The following LPP variants were observed in gnomAD, a reference collection of about 807,000 sequenced individuals.
LPP encodes the protein lipoma-preferred partner.
A neutral mutation model predicts 60.4 loss-of-function variants in LPP; 38 were observed. The ratio of observed to expected loss-of-function variants is 0.63; its 90% confidence interval spans 0.49 to 0.83. The LOEUF is 0.83. LPP is among the 40% of genes least tolerant of loss of function. The pLI, the probability that LPP is intolerant of heterozygous loss-of-function variation, is 0.00. For synonymous variants in LPP, 328 were observed against 290.8 expected, an observed-to-expected ratio of 1.13 and a Z score of -1.30; for missense variants, 902 against 783.6, an observed-to-expected ratio of 1.15 and a Z score of -1.80.
intron 2 of LPP, among the ~76,000 whole-genome samples, chr3:188,244,945 G>A (rs1394928953): frequency 6.6e-6 from 1 of 152,082 alleles, no homozygotes; most frequent in Non-Finnish European, 1.5e-5. Context: ...CTCCTTACTA[G>A]GCATATGTTC....
At chr3:188,866,558 T>G (rs1766659873) in intron 10 of LPP, among the ~76,000 whole-genome samples, 180 bp downstream of exon 10, 1 of 152,184 alleles carries the variant, frequency 6.6e-6, no homozygotes, top group Non-Finnish European at 1.5e-5. Context: ...AGACAATCCA[T>G]GCAGTCATCC....
chr3:188,625,927 T>A (rs908567045), intron 7 of LPP, among the ~76,000 whole-genome samples: 1 of 152,156 alleles, frequency 6.6e-6, no homozygotes, highest in Non-Finnish European at 1.5e-5. Context: ...TTTGTAAAAA[T>A]GTATGTGCAA....
chr3:188,165,273 T>A (rs2148739000), intron 1 of LPP, among the ~76,000 whole-genome samples: 1 of 151,342 alleles, frequency 6.6e-6, no homozygotes, highest in East Asian at 2.0e-4. Flanking sequence ...AGACTCTGTC[T>A]GTCAGGAAAA....
intron 9 of LPP, among the ~76,000 whole-genome samples, chr3:188,778,479 A>G (rs1738534759): frequency 1.3e-5 from 2 of 152,180 alleles, no homozygotes; most frequent in Non-Finnish European, 2.9e-5. Context: ...TAACCATTAC[A>G]TTCTGGAGGT....
rs1242593405 is a variant in LPP, at chr3:188,607,165, A to ACACACT, written c.430-1995_430-1994insACACTC. On this transcript the variant is annotated intron_variant, in intron 6 of 11. Coordinates refer to ENST00000617246, the MANE Select transcript of LPP (RefSeq NM_001375462.1). The stretch of plus-strand genomic sequence containing the variant: ...CACACACACACACACACACACACAC[A>ACACACT]CTATTTAAACATCCTGAAGTCTTTG... Among the ~76,000 whole-genome samples, 395 of 125,458 alleles carry ACACACT rather than the reference A, an allele frequency of 3.1e-3. 8 individuals carry two copies. Among genetic ancestry groups the ACACACT allele is most frequent in the African/African-American group, 0.011 (377 of 33,836 alleles). The allele number at this position is 125,458 out of a possible 152,430, so 82.3% of individuals were successfully genotyped here. A position where few individuals can be genotyped will look rare whatever the true frequency, so the allele number is the denominator to read the frequency against.
intron 10 of LPP, among the ~76,000 whole-genome samples, chr3:188,868,595 A>G (rs1166538693): frequency 1.3e-5 from 2 of 152,224 alleles, no homozygotes; most frequent in African/African-American, 4.8e-5. Context: ...CTAAAGGAAA[A>G]TAAGAAACTG....
chr3:188,561,211 G>A (rs745904626), intron 6 of LPP, among the ~76,000 whole-genome samples: 33 of 151,964 alleles, frequency 2.2e-4, no homozygotes, highest in Admixed American at 7.2e-4. Flanking sequence ...TATTAAGCCC[G>A]AAGGATATTT....
chr3:188,823,048 C>T (rs1754435045), intron 9 of LPP, among the ~76,000 whole-genome samples: 1 of 152,100 alleles, frequency 6.6e-6, no homozygotes, highest in Non-Finnish European at 1.5e-5. Flanking sequence ...AATTCAATTA[C>T]TTCCTTCCAA....
chr3:188,313,194 A>G (rs752500918), intron 2 of LPP, among the ~76,000 whole-genome samples: 13 of 152,066 alleles, frequency 8.5e-5, no homozygotes, highest in Non-Finnish European at 1.6e-4. Flanking sequence ...TTCATCTGTC[A>G]CTTCATGTGT....
intron 2 of LPP, among the ~76,000 whole-genome samples, chr3:188,273,417 A>G (rs6762523): frequency 0.69 from 105,308 of 151,904 alleles, 37,257 homozygotes; most frequent in African/African-American, 0.82. Context: ...TTTGTAGTAG[A>G]TGCTGACCTG....
intron 2 of LPP, among the ~76,000 whole-genome samples, chr3:188,257,465 C>G (rs1732040567): frequency 6.6e-6 from 1 of 152,134 alleles, no homozygotes. Flanking sequence ...AAAGTCCAAG[C>G]CAGTTTGTAT....
chr3:188,716,921 G>C (rs188175589), intron 8 of LPP, among the ~76,000 whole-genome samples: 1 of 152,194 alleles, frequency 6.6e-6, no homozygotes, highest in South Asian at 2.1e-4. Flanking sequence ...TCTACCCCTA[G>C]ATTATCATTA....
At position 188,783,181 on chromosome 3, in the gene LPP, A is replaced by G. The variant is rs151038218; in HGVS notation, c.1410+22899A>G. On this transcript the variant is annotated intron_variant, in intron 9 of 11. Transcript: ENST00000617246. ...CCAGCTTGGCCCATATTTTCCCTCC[A>G]TTGACTCCACAGCTCTCTGTAGCTA... Among the ~76,000 whole-genome samples the G allele has an allele frequency of 5.3e-5, 8 of 151,972 alleles. No homozygotes were observed. In the South Asian group the frequency reaches 8.3e-4, roughly 16 times the overall value.
chr3:188,787,400 C>G (rs954546829), intron 9 of LPP, among the ~76,000 whole-genome samples: 2 of 151,730 alleles, frequency 1.3e-5, no homozygotes, highest in Non-Finnish European at 2.9e-5. Context: ...AACCCTTTGA[C>G]AACTTTAGAT....
Position 188,880,491 on chromosome 3 carries a change from T to G in LPP, c.*6012T>G, listed in dbSNP as rs1769837225. On this transcript the variant is annotated 3_prime_UTR_variant, in exon 12 of 12. Coordinates refer to ENST00000617246, the MANE Select transcript of LPP (RefSeq NM_001375462.1). ...CTTTGTTAAAAATAAAAATTAATAT[T>G]CTACAAACACCTACATATACTAGAG... The G allele has an allele frequency of 5.3e-6, 1 of 189,544 alleles. No homozygotes were observed. Among genetic ancestry groups the G allele is most frequent in the Non-Finnish European group, 1.1e-5 (1 of 90,290 alleles). 11.7% of individuals were successfully genotyped at this position (189,544 alleles called of 1,614,324 possible). A position where few individuals can be genotyped will look rare whatever the true frequency, so the allele number is the denominator to read the frequency against.
chr3:188,773,355 T>C (rs1736708819), intron 9 of LPP, among the ~76,000 whole-genome samples: 1 of 100,208 alleles, frequency 1.0e-5, no homozygotes, highest in South Asian at 4.5e-4. Context: ...ATGTAGGTCT[T>C]CAAAGAATAT....
At chr3:188,865,169 G>A (rs1412182909) in intron 9 of LPP, among the ~76,000 whole-genome samples, 4 of 152,168 alleles carry the variant, frequency 2.6e-5, no homozygotes, top group African/African-American at 9.7e-5. Flanking sequence ...CATGTGAAAC[G>A]TGGTTGTTTG....
At chr3:188,640,877 G>C (rs1229985250) in intron 7 of LPP, among the ~76,000 whole-genome samples, 1 of 152,154 alleles carries the variant, frequency 6.6e-6, no homozygotes, top group Admixed American at 6.5e-5. Context: ...TTCCCATACA[G>C]AAATTACTAT....
At chr3:188,441,209 A>G (rs1793742459) in intron 4 of LPP, among the ~76,000 whole-genome samples, 1 of 152,166 alleles carries the variant, frequency 6.6e-6, no homozygotes, top group South Asian at 2.1e-4. Flanking sequence ...AAGATGGGGC[A>G]GTTTTATCTC....
Sources: gnomAD v4.1 joint callset for allele counts (sites outside exome capture counted in the v4.1 genomes callset) on GRCh38, gnomAD v4.1.1 for gene constraint, MANE v1.5 for transcripts, NCBI Gene and HGNC (gene_info 2026-07-23, HGNC 2026-07-21) for gene names.